KCNB2: variants seen among roughly 807,000 people sequenced by gnomAD.
KCNB2 encodes potassium voltage-gated channel subfamily B member 2.
Under a neutral mutation model 61.5 loss-of-function variants are expected in KCNB2, and 15 were observed. That is an observed-to-expected ratio of 0.24 (90% CI 0.16 to 0.38). The LOEUF is 0.38. KCNB2 is among the 10% of genes least tolerant of loss of function. KCNB2 has a pLI of 1.00. For missense variants in KCNB2, 828 were observed against 1,125.2 expected (o/e 0.74, Z 3.78); for synonymous variants, 457 against 446.0 (o/e 1.02, Z -0.31).
chr8:72,811,194 A>G (rs1809301406), intron 2 of KCNB2, among the ~76,000 whole-genome samples: 1 of 150,386 alleles, frequency 6.6e-6, no homozygotes, highest in South Asian at 2.1e-4. Flanking sequence ...ATTAAGTCAA[A>G]TTTTTAAATG....
At chr8:72,631,241 AAACT>A (rs1207243432) in intron 2 of KCNB2, among the ~76,000 whole-genome samples, 1 of 152,180 alleles carries the variant, frequency 6.6e-6, no homozygotes, top group Non-Finnish European at 1.5e-5. Context: ...GCTGTAACAC[AAACT>A]AAGAGCCTTA....
chr8:72,548,843 A>G (rs1364432919), intron 1 of KCNB2, among the ~76,000 whole-genome samples: 1 of 152,082 alleles, frequency 6.6e-6, no homozygotes, highest in Non-Finnish European at 1.5e-5. Flanking sequence ...TTATACACCC[A>G]TGTCTTAAGT....
chr8:72,662,237 A>G (rs1806393545), intron 2 of KCNB2, among the ~76,000 whole-genome samples: 1 of 152,088 alleles, frequency 6.6e-6, no homozygotes, highest in Non-Finnish European at 1.5e-5. Context: ...AGTGCAAAGG[A>G]TCATGACCAC....
intron 1 of KCNB2, among the ~76,000 whole-genome samples, chr8:72,561,725 A>ATATATATATGTGTG (rs1806523781): frequency 3.5e-5 from 1 of 28,358 alleles, no homozygotes; most frequent in African/African-American, 2.2e-4. Context: ...ATATATATAT[A>ATATATATATGTGTG]TATCTATATC....
chr8:72,619,140 C>T, intron 2 of KCNB2: 2 of 292,570 alleles, frequency 6.8e-6, no homozygotes, highest in South Asian at 6.8e-5. Flanking sequence ...AAGATTTTCC[C>T]ATTCAATCTT....
At chr8:72,738,959 T>A (rs1057499024) in intron 2 of KCNB2, among the ~76,000 whole-genome samples, 5 of 152,160 alleles carry the variant, frequency 3.3e-5, no homozygotes, top group African/African-American at 4.8e-5. Context: ...TTTAAAAAAA[T>A]TATTTACATA....
chr8:72,621,333 C>T (rs191632534), intron 2 of KCNB2, among the ~76,000 whole-genome samples: 47 of 152,236 alleles, frequency 3.1e-4, no homozygotes, highest in Admixed American at 2.0e-3. Flanking sequence ...ATCAAATCCC[C>T]CAGTCCAGAT....
At chr8:72,643,140 C>T (rs1806081103) in intron 2 of KCNB2, among the ~76,000 whole-genome samples, 1 of 152,130 alleles carries the variant, frequency 6.6e-6, no homozygotes, top group African/African-American at 2.4e-5. Context: ...GCCTTCCACA[C>T]ACCCTTTCCA....
intron 2 of KCNB2, among the ~76,000 whole-genome samples, chr8:72,693,342 C>T (rs1222294468): frequency 6.6e-6 from 1 of 152,130 alleles, no homozygotes; most frequent in African/African-American, 2.4e-5. Flanking sequence ...GCACGGATGT[C>T]CTTTTGCAAA....
chr8:72,867,134 T>C (rs1805533563), intron 2 of KCNB2, among the ~76,000 whole-genome samples: 1 of 152,244 alleles, frequency 6.6e-6, no homozygotes, highest in Non-Finnish European at 1.5e-5. Context: ...CTTGGAGATA[T>C]GGGTCAACTG....
At chr8:72,606,953 G>A (rs991668504) in intron 2 of KCNB2, among the ~76,000 whole-genome samples, 1 of 152,200 alleles carries the variant, frequency 6.6e-6, no homozygotes, top group Admixed American at 6.5e-5. Flanking sequence ...GCAGGCCTGA[G>A]GGATCAGTGT....
intron 2 of KCNB2, among the ~76,000 whole-genome samples, chr8:72,812,700 C>G (rs952700228): frequency 6.6e-6 from 1 of 151,864 alleles, no homozygotes; most frequent in Non-Finnish European, 1.5e-5. Context: ...AATAAATAGT[C>G]TAATATCAAT....
intron 2 of KCNB2, among the ~76,000 whole-genome samples, chr8:72,574,591 A>G (rs1806767306): frequency 6.6e-6 from 1 of 152,192 alleles, no homozygotes; most frequent in Non-Finnish European, 1.5e-5. Context: ...ATTTCCAAGC[A>G]GTTTTTCCAT....
At chr8:72,814,493 G>T (rs1338931329) in intron 2 of KCNB2, among the ~76,000 whole-genome samples, 2 of 152,170 alleles carry the variant, frequency 1.3e-5, no homozygotes, top group South Asian at 4.1e-4. Flanking sequence ...ATCTTCAATG[G>T]TATTTGTTGA....
chr8:72,685,494 T>G (rs567522134), intron 2 of KCNB2, among the ~76,000 whole-genome samples: 1 of 152,062 alleles, frequency 6.6e-6, no homozygotes, highest in East Asian at 1.9e-4. Flanking sequence ...GGAAAGACAA[T>G]GTACAGTGTT....
chr8:72,594,779 A>G (rs1324572045), intron 2 of KCNB2, among the ~76,000 whole-genome samples: 1 of 152,222 alleles, frequency 6.6e-6, no homozygotes, highest in Non-Finnish European at 1.5e-5. Context: ...TCCTTGGCCA[A>G]CTGACTTACT....
At position 72,937,157 on chromosome 8, in the gene KCNB2, C is replaced by G; in HGVS notation, c.1802C>G (p.Ser601Cys). Residue 601 changes from serine (S) to cysteine (C), a missense_variant, in exon 3 of 3, where the codon TCC (serine) becomes TGC (cysteine). Physicochemically the swap from Ser to Cys is moderately radical, Grantham distance 112. This residue lies in a region of KCNB2 where 559 missense variants were observed against 588.4 expected (regional missense o/e 0.95). Transcript: ENST00000523207. ...TEVIVDMKST[S>C]SIDSFTSCAT... ...GTCATTGTGGACATGAAGAGCACCTCCAGCATCGACAGCTTCACCAGCTGT... is the reference window on the plus strand; with the variant it reads ...GTCATTGTGGACATGAAGAGCACCTGCAGCATCGACAGCTTCACCAGCTGT... 6.2e-7 allele frequency: 1 copy of G among 1,614,122 alleles called. No homozygotes were observed. The highest frequency in any genetic ancestry group is 8.5e-7 in the Non-Finnish European group (1 of 1,180,014).
At chr8:72,927,109 C>T (rs186112597) in intron 2 of KCNB2, among the ~76,000 whole-genome samples, 155 of 152,206 alleles carry the variant, frequency 1.0e-3, no homozygotes, top group African/African-American at 3.7e-3. Flanking sequence ...CCACATAAAG[C>T]CAGTGCTGCT....
At chr8:72,625,047 A>G (rs907079364) in intron 2 of KCNB2, among the ~76,000 whole-genome samples, 7 of 152,134 alleles carry the variant, frequency 4.6e-5, no homozygotes, top group African/African-American at 1.4e-4. Context: ...CCCATAGGAG[A>G]CCCCAGCACC....
Sources: allele counts gnomAD v4.1 joint callset (sites outside exome capture counted in the v4.1 genomes callset), GRCh38; gene constraint gnomAD v4.1.1; regional missense constraint gnomAD v4.1.1; transcripts MANE v1.5; gene names NCBI Gene and HGNC (gene_info 2026-07-23, HGNC 2026-07-21).